SPTBN2: variants seen among roughly 807,000 people sequenced by gnomAD.
SPTBN2 encodes the protein spectrin beta chain, non-erythrocytic 2.
SPTBN2 carries 107 observed loss-of-function variants against 284.2 expected under a neutral mutation model. That is an observed-to-expected ratio of 0.38 (90% CI 0.32 to 0.44). The LOEUF (loss-of-function observed/expected upper bound fraction) is 0.44, where lower values mean the gene tolerates loss of function less well. Among genes scored for constraint, SPTBN2 ranks in the 20% least tolerant of loss-of-function variants. The pLI is 1.00. For missense variants in SPTBN2, 2,569 were observed against 3,287.1 expected, an observed-to-expected ratio of 0.78 and a Z score of 5.34; for synonymous variants, 1,289 against 1,354.8, an observed-to-expected ratio of 0.95 and a Z score of 1.07.
upstream of SPTBN2, among the ~76,000 whole-genome samples, chr11:66,730,802 T>G (rs1942800050): frequency 6.6e-6 from 1 of 152,224 alleles, no homozygotes; most frequent in Non-Finnish European, 1.5e-5. Flanking sequence ...AGAAGCCTTG[T>G]AAGATAAACA....
chr11:66,721,022 T>G, intron 3 of SPTBN2, 62 bp downstream of exon 3: 1 of 1,610,524 alleles, frequency 6.2e-7, no homozygotes, highest in East Asian at 2.2e-5. Flanking sequence ...AAAGGGCTCT[T>G]CATGACGAGC....
intron 1 of SPTBN2, among the ~76,000 whole-genome samples, chr11:66,736,908 G>C (rs1386920621): frequency 6.6e-6 from 1 of 152,202 alleles, no homozygotes; most frequent in African/African-American, 2.4e-5. Context: ...AACTTCCAGG[G>C]TGTGAAGATA....
intron 1 of SPTBN2, among the ~76,000 whole-genome samples, chr11:66,736,278 T>C (rs1942850905): frequency 6.6e-6 from 1 of 152,204 alleles, no homozygotes. Context: ...CATGCTGCTA[T>C]TGATGAAATC....
At chr11:66,724,692 G>C (rs568839656) in intron 1 of SPTBN2, among the ~76,000 whole-genome samples, 7 of 152,290 alleles carry the variant, frequency 4.6e-5, no homozygotes, top group African/African-American at 1.7e-4. Context: ...TCCTCCCAAG[G>C]GGAGGGGCAG....
intron 1 of SPTBN2, among the ~76,000 whole-genome samples, chr11:66,740,681 G>A (rs141086157): frequency 2.0e-5 from 3 of 152,306 alleles, no homozygotes; most frequent in Middle Eastern, 3.4e-3. Context: ...CTCAGGACCC[G>A]AGAGAAGCAG....
Position 66,700,448 on chromosome 11 carries a change from C to G in SPTBN2, c.3573+78G>C. On this transcript the variant is annotated intron_variant, in intron 17 of 37. Transcript: ENST00000533211. The surrounding 1 kb of genome is among the most constrained non-coding windows in gnomAD (Gnocchi z 6.6). ...CCATTTTGCTAGCATGTCCTTCCTGCCCATCCTGCTCCTTCACATTTCCCC... is the reference window on the plus strand; with the variant it reads ...CCATTTTGCTAGCATGTCCTTCCTGGCCATCCTGCTCCTTCACATTTCCCC... 6.3e-7 allele frequency: 1 copy of G among 1,586,462 alleles called. No homozygotes were observed. Among genetic ancestry groups the G allele is most frequent in the Non-Finnish European group, 8.5e-7 (1 of 1,170,730 alleles).
chr11:66,689,992 A>C (rs541758525), intron 28 of SPTBN2, 47 bp downstream of exon 28: 3 of 1,614,110 alleles, frequency 1.9e-6, no homozygotes, highest in East Asian at 2.2e-5. Flanking sequence ...GCCCCATCAC[A>C]GCCCAGCCAC....
chr11:66,690,514 G>C (rs1022698038), intron 27 of SPTBN2, among the ~76,000 whole-genome samples: 1 of 152,172 alleles, frequency 6.6e-6, no homozygotes, highest in Non-Finnish European at 1.5e-5. Flanking sequence ...CTGGAAAAGA[G>C]CCATTGGCCA....
intron 5 of SPTBN2, among the ~76,000 whole-genome samples, chr11:66,714,913 A>C (rs1257690771): frequency 2.0e-5 from 3 of 152,150 alleles, no homozygotes; most frequent in Admixed American, 6.5e-5. Flanking sequence ...GTGGTGAAGG[A>C]CCAGTTGGTA....
chr11:66,687,706 C>A lies in SPTBN2; in HGVS notation c.6502-59G>T. ...AGACGGGAGATCCCTAACCTGGGTG[C>A]CAGGAAGCTCCGTGTCCAGGAGTTG... On this transcript the variant is annotated intron_variant, in intron 34 of 37. Coordinates refer to ENST00000533211, the MANE Select transcript of SPTBN2 (RefSeq NM_006946.4). This position sits in a 1 kb window ranked among gnomAD's most constrained non-coding sequence, Gnocchi z 5.2. 1 of 1,571,650 alleles carries A rather than the reference C, an allele frequency of 6.4e-7. No homozygotes were observed. The highest frequency in any genetic ancestry group is 1.8e-5 in the Admixed American group (1 of 56,036).
At position 66,699,627 on chromosome 11, in the gene SPTBN2, A is replaced by G; in HGVS notation, c.3574-19T>C. ...CATATTCCTGTGTGGGAGGGATGAC[A>G]TTCAGCTCATTTTCCCCAGCACAAT... On this transcript the variant is annotated intron_variant, in intron 17 of 37. Transcript: ENST00000533211. The G allele has an allele frequency of 6.2e-7, 1 of 1,613,198 alleles. No homozygotes were observed. Among genetic ancestry groups the G allele is most frequent in the East Asian group, 2.2e-5 (1 of 44,848 alleles).
At chr11:66,732,435 G>A (rs1942819755), upstream of SPTBN2, among the ~76,000 whole-genome samples, 1 of 152,008 alleles carries the variant, frequency 6.6e-6, no homozygotes, top group African/African-American at 2.4e-5. Flanking sequence ...GGATCACAAG[G>A]TCAGGAGATT....
intron 3 of SPTBN2, among the ~76,000 whole-genome samples, chr11:66,717,895 C>T (rs1051171740): frequency 1.6e-4 from 24 of 152,220 alleles, no homozygotes; most frequent in Non-Finnish European, 3.1e-4. Context: ...CACACACCTG[C>T]GCAGACATCT....
At position 66,736,148 on chromosome 11, in the gene SPTBN2, G is replaced by T. The variant is rs183749948; in HGVS notation, c.-474-6956C>A. ...TAGGGAATTCTAACAGGTGGGGGTA[G>T]GTGGAGGTGGGGTACAGAGGACTGA... On this transcript the variant is annotated intron_variant, in intron 1 of 37. Transcript: ENST00000611817. Among the ~76,000 whole-genome samples the T allele has an allele frequency of 2.0e-5, 3 of 152,312 alleles. No individual in the cohort carries two copies. The East Asian group carries it at 5.8e-4, about 29-fold the overall frequency.
rs879653612 is a variant in SPTBN2 at position 66,682,767 on chromosome 11, ATTTT to A, written c.*3100_*3103del. Among the ~76,000 whole-genome samples the A allele has an allele frequency of 2.1e-5, 3 of 144,098 alleles. No individual in the cohort carries two copies. Among genetic ancestry groups the A allele is most frequent in the African/African-American group, 7.6e-5 (3 of 39,394 alleles). 94.5% of individuals were successfully genotyped at this position (144,098 alleles called of 152,430 possible). A position where few individuals can be genotyped will look rare whatever the true frequency, so the allele number is the denominator to read the frequency against. On this transcript the variant is annotated 3_prime_UTR_variant, in exon 38 of 38. Coordinates refer to ENST00000533211, the MANE Select transcript of SPTBN2 (RefSeq NM_006946.4). ...AATATATTTTTCTCTACATAATCCT[ATTTT>A]TTTTTTTTTGAGACAGGGTCTCACT...
chr11:66,701,969 A>G (rs1406063750), intron 15 of SPTBN2, among the ~76,000 whole-genome samples: 1 of 152,198 alleles, frequency 6.6e-6, no homozygotes, highest in African/African-American at 2.4e-5. Flanking sequence ...TGAAAGGTAA[A>G]GGTCAGGAAC....
intron 20 of SPTBN2, among the ~76,000 whole-genome samples, chr11:66,697,254 G>A (rs916972946): frequency 2.6e-5 from 4 of 152,170 alleles, no homozygotes; most frequent in South Asian, 4.1e-4. Context: ...GATCATTCCC[G>A]GGGACACCTC....
At chr11:66,698,812 T>C (rs1305024041) in intron 19 of SPTBN2, 27 bp from the exon 20 acceptor site, 3 of 1,612,222 alleles carry the variant, frequency 1.9e-6, no homozygotes, top group Non-Finnish European at 2.5e-6. Context: ...ACAGGGACAT[T>C]TCCAAGGGAG....
chr11:66,731,691 T>C (rs1428363624), upstream of SPTBN2, among the ~76,000 whole-genome samples: 1 of 152,224 alleles, frequency 6.6e-6, no homozygotes, highest in Non-Finnish European at 1.5e-5. Context: ...AAGCCCCGAC[T>C]TCCCTCCATG....
Sources: allele counts gnomAD v4.1 joint callset (sites outside exome capture counted in the v4.1 genomes callset), GRCh38; gene constraint gnomAD v4.1.1; non-coding constraint Gnocchi (gnomAD v3.1); transcripts MANE v1.5; gene names NCBI Gene and HGNC (gene_info 2026-07-23, HGNC 2026-07-21).